The following BCLAF3 variants were observed in gnomAD, a reference collection of about 807,000 sequenced individuals.
BCLAF3 encodes the protein BCLAF1 and THRAP3 family member 3, also known as transient octamer binding factor 1.
In BCLAF3, 24 loss-of-function variants were observed where a neutral mutation model predicts 51.2. That is an observed-to-expected ratio of 0.47 (90% CI 0.34 to 0.66). The LOEUF (loss-of-function observed/expected upper bound fraction) is 0.66, where lower values mean the gene tolerates loss of function less well. Ranked by LOEUF, BCLAF3 falls within the 30% of genes least tolerant of loss-of-function variation. The pLI is 0.01. For synonymous variants in BCLAF3, 152 were observed against 176.6 expected, an observed-to-expected ratio of 0.86 and a Z score of 1.10; for missense variants, 465 against 525.1, an observed-to-expected ratio of 0.89 and a Z score of 1.12.
intron 8 of BCLAF3, among the ~76,000 whole-genome samples, chrX:19,945,368 A>G (rs2071230441): frequency 9.4e-6 from 1 of 106,511 alleles, no homozygotes; most frequent in Non-Finnish European, 1.9e-5. Context: ...TAGAGTTTCC[A>G]GTTTTTCTGT....
intron 8 of BCLAF3, among the ~76,000 whole-genome samples, chrX:19,941,355 G>A (rs2071036413): frequency 9.5e-6 from 1 of 105,007 alleles, no homozygotes; most frequent in South Asian, 3.8e-4. Flanking sequence ...CCATGCCTAT[G>A]TCCTGAATGG....
chrX:19,938,480 G>A (rs781213142), intron 8 of BCLAF3, among the ~76,000 whole-genome samples: 1 of 112,032 alleles, frequency 8.9e-6, no homozygotes, highest in South Asian at 3.7e-4. Flanking sequence ...ATTGCAACCT[G>A]CACCTCCTGA....
At chrX:19,944,106 T>C (rs1179399588) in intron 8 of BCLAF3, among the ~76,000 whole-genome samples, 1 of 55,479 alleles carries the variant, frequency 1.8e-5, no homozygotes, top group African/African-American at 7.8e-5. Flanking sequence ...CCCCTGCCTT[T>C]TTTTGTTTTC....
chrX:19,978,809 C>T (rs1158611648), intron 1 of BCLAF3, among the ~76,000 whole-genome samples: 1 of 108,886 alleles, frequency 9.2e-6, no homozygotes, highest in Non-Finnish European at 1.9e-5. Flanking sequence ...ACTTTGTTGC[C>T]CAGGCTGGTC....
At chrX:19,970,150 G>C (rs1291694347) in intron 2 of BCLAF3, 74 bp downstream of exon 2, 10 of 891,740 alleles carry the variant, frequency 1.1e-5, no homozygotes, top group Non-Finnish European at 1.7e-5. Context: ...GAGCTTAAGT[G>C]TTTACTAGTA....
At chrX:19,990,221 A>T (rs2072901835) in intron 1 of BCLAF3, among the ~76,000 whole-genome samples, 1 of 110,939 alleles carries the variant, frequency 9.0e-6, no homozygotes, top group Admixed American at 9.5e-5. Context: ...TTTACGGGGT[A>T]GGTTTCTCTC....
At position 19,915,118 on chromosome X, in the gene BCLAF3, A is replaced by C. The variant is rs758953819; in HGVS notation, c.*2187T>G. ...TTATCAAAAAAAAGAAAAAAAAAAA[A>C]AACTTCTCTTCTCAAGTCTTATGCA... On this transcript the variant is annotated 3_prime_UTR_variant, in exon 12 of 12. Coordinates refer to ENST00000379682, the MANE Select transcript of BCLAF3 (RefSeq NM_001367774.2). 8 of 111,028 alleles carry C rather than the reference A, an allele frequency of 7.2e-5. No individual in the cohort carries two copies. The East Asian group carries it at 1.4e-3, about 20-fold the overall frequency. 9.1% of individuals were successfully genotyped at this position (111,028 alleles called of 1,213,427 possible). A position where few individuals can be genotyped will look rare whatever the true frequency, so the allele number is the denominator to read the frequency against.
chrX:19,969,462 CT>C lies in BCLAF3; in HGVS notation c.41+761del, dbSNP rs1881951658. ...GAATATTTCTCTTCACTCTTTCTGC[CT>C]TTAGAAGTTCTACACATCCTGAAAC... On this transcript the variant is annotated intron_variant, in intron 2 of 11. Coordinates refer to ENST00000379682, the MANE Select transcript of BCLAF3 (RefSeq NM_001367774.2). Among the ~76,000 whole-genome samples, 4 of 112,284 alleles carry C rather than the reference CT, an allele frequency of 3.6e-5. No homozygotes were observed. In the South Asian group the frequency reaches 1.5e-3, roughly 41 times the overall value.
intron 2 of BCLAF3, among the ~76,000 whole-genome samples, chrX:19,968,058 G>T (rs1319093453): frequency 8.9e-6 from 1 of 112,504 alleles, no homozygotes; most frequent in Non-Finnish European, 1.9e-5. Context: ...AGAGTCAAAG[G>T]TCTTGCAGTC....
chrX:19,945,875 C>T (rs1405312466), intron 8 of BCLAF3, among the ~76,000 whole-genome samples: 1 of 106,717 alleles, frequency 9.4e-6, no homozygotes, highest in East Asian at 2.9e-4. Context: ...CCCCCAGCCT[C>T]GCTGCCGCCT....
At chrX:19,931,600 C>A (rs993413818) in intron 10 of BCLAF3, among the ~76,000 whole-genome samples, 3 of 111,944 alleles carry the variant, frequency 2.7e-5, no homozygotes, top group African/African-American at 9.7e-5. Flanking sequence ...AAGACCAGTT[C>A]AGCATAACTT....
At chrX:19,929,007 T>C (rs1011639017) in intron 11 of BCLAF3, 1 of 111,841 alleles carries the variant, frequency 8.9e-6, no homozygotes, top group Non-Finnish European at 1.9e-5. Flanking sequence ...TTATACATCA[T>C]GGTGACTACA....
chrX:19,988,194 C>T (rs112915437), intron 1 of BCLAF3, among the ~76,000 whole-genome samples: 2,016 of 112,191 alleles, frequency 0.018, 58 homozygotes, highest in African/African-American at 0.063. Flanking sequence ...AGCCCAAGTA[C>T]TGTGTTTTAT....
intron 1 of BCLAF3, among the ~76,000 whole-genome samples, chrX:19,982,148 C>A (rs1251939399): frequency 8.9e-6 from 1 of 111,745 alleles, no homozygotes; most frequent in Non-Finnish European, 1.9e-5. Flanking sequence ...GCCTTTGCAA[C>A]AAAGAAGCCT....
intron 9 of BCLAF3, among the ~76,000 whole-genome samples, chrX:19,936,999 G>A (rs1354671133): frequency 3.6e-5 from 4 of 111,672 alleles, no homozygotes; most frequent in Admixed American, 1.9e-4. Context: ...GATCTTAAGT[G>A]TTGTTCCCAA....
chrX:19,932,086 T>G (rs900837240), intron 10 of BCLAF3, among the ~76,000 whole-genome samples: 2 of 112,465 alleles, frequency 1.8e-5, no homozygotes, highest in East Asian at 5.5e-4. Context: ...ACTAAATTTA[T>G]TCCCAAATGT....
At chrX:19,962,586 T>C (rs775362603) in intron 4 of BCLAF3, among the ~76,000 whole-genome samples, 2 of 112,305 alleles carry the variant, frequency 1.8e-5, no homozygotes, top group Non-Finnish European at 3.8e-5. Flanking sequence ...ATGTATAAGG[T>C]ATCTAAATGG....
At chrX:19,931,340 A>G (rs1320467788) in intron 10 of BCLAF3, among the ~76,000 whole-genome samples, 1 of 111,526 alleles carries the variant, frequency 9.0e-6, no homozygotes, top group Non-Finnish European at 1.9e-5. Context: ...GTCTGCCTGC[A>G]TTTCCAAGCA....
At chrX:19,957,895 C>G (rs1368467827) in intron 4 of BCLAF3, among the ~76,000 whole-genome samples, 1 of 111,665 alleles carries the variant, frequency 9.0e-6, no homozygotes, top group Non-Finnish European at 1.9e-5. Flanking sequence ...GCAAAATGTT[C>G]TAAATATTTA....
Sources: allele counts gnomAD v4.1 joint callset (sites outside exome capture counted in the v4.1 genomes callset), GRCh38; gene constraint gnomAD v4.1.1; transcripts MANE v1.5; gene names NCBI Gene and HGNC (gene_info 2026-07-23, HGNC 2026-07-21).